Variants in SPMAP2L observed in about 807,000 individuals in gnomAD.
The protein encoded by SPMAP2L is sperm microtubule associated protein 2-like.
chr4:56,556,991 G>C, the SPMAP2L span, among the ~76,000 whole-genome samples: 1 of 152,050 alleles, frequency 6.6e-6, no homozygotes, highest in Non-Finnish European at 1.5e-5. Context: ...GCTCACGCCT[G>C]TAATTCCAGC....
the SPMAP2L span, among the ~76,000 whole-genome samples, chr4:56,538,159 C>G: frequency 1.3e-5 from 2 of 152,172 alleles, no homozygotes; most frequent in African/African-American, 4.8e-5. Flanking sequence ...ACAATAAATC[C>G]AAGCTTCCTG....
At chr4:56,551,913 G>A in the SPMAP2L span, among the ~76,000 whole-genome samples, 26 of 152,210 alleles carry the variant, frequency 1.7e-4, no homozygotes, top group Non-Finnish European at 2.8e-4. Context: ...AAAAGTGGAA[G>A]AGACGCACTA....
chr4:56,537,021 C>A, the SPMAP2L span, among the ~76,000 whole-genome samples: 1 of 152,172 alleles, frequency 6.6e-6, no homozygotes, highest in Non-Finnish European at 1.5e-5. Context: ...ACCTCAGCCT[C>A]ACAAAGTGCT....
At chr4:56,617,200 TG>T in the SPMAP2L span, among the ~76,000 whole-genome samples, 1 of 152,226 alleles carries the variant, frequency 6.6e-6, no homozygotes, top group African/African-American at 2.4e-5. Context: ...GTGTAGTTAC[TG>T]TACTGAATTT....
the SPMAP2L span, among the ~76,000 whole-genome samples, chr4:56,542,803 A>C: frequency 2.6e-5 from 4 of 152,178 alleles, no homozygotes; most frequent in African/African-American, 9.6e-5. Context: ...AGGTGAGGTC[A>C]GCCCTGATCC....
chr4:56,530,697 A>G, the SPMAP2L span: 1 of 1,535,092 alleles, frequency 6.5e-7, no homozygotes, highest in Non-Finnish European at 8.7e-7. Flanking sequence ...AAGAGTTTCT[A>G]AGTTCATCTG....
the SPMAP2L span, among the ~76,000 whole-genome samples, chr4:56,624,542 T>C: frequency 5.3e-5 from 8 of 152,178 alleles, no homozygotes; most frequent in Non-Finnish European, 1.0e-4. Flanking sequence ...AAAGTGGTTT[T>C]GTGGGCCAGG....
chr4:56,545,326 T>A, the SPMAP2L span, among the ~76,000 whole-genome samples: 1 of 152,236 alleles, frequency 6.6e-6, no homozygotes, highest in Non-Finnish European at 1.5e-5. Flanking sequence ...CCTATTGTAG[T>A]CTGTTTATGT....
chr4:56,588,813 T>C, the SPMAP2L span, among the ~76,000 whole-genome samples: 1 of 152,210 alleles, frequency 6.6e-6, no homozygotes. Context: ...AGGTGAGAGA[T>C]GAGGACCCAG....
chr4:56,530,732 A>T, the SPMAP2L span: 4 of 1,535,398 alleles, frequency 2.6e-6, no homozygotes, highest in Non-Finnish European at 3.5e-6. Context: ...ACCGATGGGC[A>T]GGTCTCAACA....
chr4:56,594,024 G>A, the SPMAP2L span: 117 of 1,611,376 alleles, frequency 7.3e-5, no homozygotes, highest in East Asian at 2.9e-4. Flanking sequence ...GCCGCTCAGC[G>A]GCAGATCAAT....
the SPMAP2L span, chr4:56,596,688 C>T: frequency 7.0e-7 from 1 of 1,435,676 alleles, no homozygotes; most frequent in Non-Finnish European, 9.1e-7. Context: ...TCTTAGGATG[C>T]TATTTTGCCT....
the SPMAP2L span, among the ~76,000 whole-genome samples, chr4:56,618,500 C>T: frequency 6.6e-6 from 1 of 152,134 alleles, no homozygotes; most frequent in Non-Finnish European, 1.5e-5. Context: ...ACAATCATGG[C>T]AGAAGGGGAA....
the SPMAP2L span, chr4:56,603,588 C>G: frequency 3.4e-6 from 1 of 293,532 alleles, no homozygotes. Context: ...TGTTTCCTCA[C>G]AAGCATCTTG....
the SPMAP2L span, chr4:56,596,409 G>A: frequency 6.8e-6 from 9 of 1,332,944 alleles, no homozygotes; most frequent in African/African-American, 1.2e-4. Flanking sequence ...TGAGAAGTCT[G>A]GCCCAGAGGT....
At chr4:56,566,705 T>TTC in the SPMAP2L span, among the ~76,000 whole-genome samples, 4 of 141,756 alleles carry the variant, frequency 2.8e-5, no homozygotes, top group Non-Finnish European at 6.1e-5. Flanking sequence ...CTTTTTTTTT[T>TTC]TTTTTTTTTT....
At chr4:56,619,990 C>T in the SPMAP2L span, among the ~76,000 whole-genome samples, 1 of 152,238 alleles carries the variant, frequency 6.6e-6, no homozygotes, top group Non-Finnish European at 1.5e-5. Flanking sequence ...GGCAGCTCTA[C>T]CAGGCACTGC....
chr4:56,546,835 A>G, the SPMAP2L span, among the ~76,000 whole-genome samples: 1 of 152,132 alleles, frequency 6.6e-6, no homozygotes, highest in Non-Finnish European at 1.5e-5. Flanking sequence ...AAGTGCTGCA[A>G]CTTTCATGGG....
the SPMAP2L span, among the ~76,000 whole-genome samples, chr4:56,606,484 TA>T: frequency 6.6e-5 from 10 of 152,010 alleles, no homozygotes; most frequent in Non-Finnish European, 1.0e-4. Context: ...ATATTTCCCA[TA>T]TAGGTGCCCT....
Sources: gnomAD v4.1 joint callset for allele counts (sites outside exome capture counted in the v4.1 genomes callset) on GRCh38, gnomAD v4.1.1 for gene constraint, MANE v1.5 for transcripts, NCBI Gene and HGNC (gene_info 2026-07-23, HGNC 2026-07-21) for gene names.